The following INPP5A variants were observed in gnomAD, a reference collection of about 807,000 sequenced individuals.
The protein encoded by INPP5A is inositol polyphosphate-5-phosphatase A.
Under a neutral mutation model 65.2 loss-of-function variants are expected in INPP5A, and 14 were observed. That is an observed-to-expected ratio of 0.21 (90% CI 0.14 to 0.34). INPP5A has a LOEUF of 0.34. INPP5A is among the 10% of genes least tolerant of loss of function. The probability of loss-of-function intolerance (pLI) is 1.00; values close to 1 mark genes in which losing one functional copy is unlikely to be tolerated. For missense variants in INPP5A, 431 were observed against 545.6 expected (o/e 0.79, Z 2.09); for synonymous variants, 207 against 208.3 (o/e 0.99, Z 0.05).
chr10:132,572,341 C>G (rs1804817129), intron 1 of INPP5A, among the ~76,000 whole-genome samples: 1 of 152,216 alleles, frequency 6.6e-6, no homozygotes, highest in Admixed American at 6.5e-5. Flanking sequence ...GGCCCCTCAC[C>G]TGGACCAGAG....
rs752485534 is a variant in INPP5A, at chr10:132,772,407, CCCA to C, written c.978-5262_978-5260del. Among the ~76,000 whole-genome samples, 7 of 122,596 alleles carry C rather than the reference CCCA, an allele frequency of 5.7e-5. No homozygotes were observed. In the East Asian group the frequency reaches 1.8e-3, roughly 31 times the overall value. The allele number at this position is 122,596 out of a possible 152,430, so 80.4% of individuals were successfully genotyped here. The stretch of plus-strand genomic sequence containing the variant: ...CTGACACGGAGGCCACGGCAGCCAC[CCCA>C]CGAGGAGTGGGACAGACACTCAGCA... On this transcript the variant is annotated intron_variant, in intron 12 of 15. Coordinates refer to ENST00000368594, the MANE Select transcript of INPP5A (RefSeq NM_005539.5).
At chr10:132,712,362 CGTGTGTGCATGTGTGTGGATGCTT>C (rs761317463) in intron 8 of INPP5A, among the ~76,000 whole-genome samples, 24 of 150,610 alleles carry the variant, frequency 1.6e-4, no homozygotes, top group African/African-American at 3.2e-4. Context: ...TGTGTGTGTT[CGTGTGTGCATGTGTGTGGATGCTT>C]GTGTGTGCAT....
intron 8 of INPP5A, among the ~76,000 whole-genome samples, chr10:132,719,688 A>G (rs1219473215): frequency 0.089 from 4,652 of 52,520 alleles, no homozygotes; most frequent in Middle Eastern, 0.24. Flanking sequence ...GCTGTCTTGC[A>G]GGTTCTGTGG....
intron 2 of INPP5A, among the ~76,000 whole-genome samples, chr10:132,613,677 G>A (rs565586688): frequency 2.2e-4 from 34 of 152,188 alleles, no homozygotes; most frequent in Non-Finnish European, 4.7e-4. Flanking sequence ...GCTTGTTTTA[G>A]CCTGACTTTG....
At chr10:132,625,034 G>A (rs531743953) in intron 2 of INPP5A, among the ~76,000 whole-genome samples, 1 of 151,834 alleles carries the variant, frequency 6.6e-6, no homozygotes, top group Non-Finnish European at 1.5e-5. Flanking sequence ...TCCTTGGTTG[G>A]TTGCAGGGCC....
chr10:132,759,527 G>A (rs555337302), intron 11 of INPP5A, among the ~76,000 whole-genome samples: 1 of 152,308 alleles, frequency 6.6e-6, no homozygotes, highest in South Asian at 2.1e-4. Context: ...TTCGCTCGCT[G>A]CTGTGCTGTG....
At chr10:132,681,022 G>C (rs576601311) in intron 4 of INPP5A, among the ~76,000 whole-genome samples, 22 of 152,394 alleles carry the variant, frequency 1.4e-4, no homozygotes, top group African/African-American at 4.1e-4. Context: ...GACCACCCAA[G>C]GGCTTGAGGA....
chr10:132,747,928 C>T (rs1056476023), intron 9 of INPP5A, among the ~76,000 whole-genome samples: 12 of 152,180 alleles, frequency 7.9e-5, no homozygotes, highest in Non-Finnish European at 8.8e-5. Flanking sequence ...GCATTACCTA[C>T]AGTCCCAGCT....
chr10:132,748,862 C>G (rs1846419294), intron 9 of INPP5A, among the ~76,000 whole-genome samples: 2 of 152,372 alleles, frequency 1.3e-5, no homozygotes, highest in African/African-American at 2.4e-5. Context: ...AGCCCCTCTC[C>G]TTGGTCCTCC....
Position 132,568,066 on chromosome 10 carries a change from C to T in INPP5A, c.75+29895C>T, listed in dbSNP as rs371293934. On this transcript the variant is annotated intron_variant, in intron 1 of 15. Transcript: ENST00000368594. ...ATTAGCTGGGTGTGGTGGTGCGTGCCTGTAGTCCCAGCTACTCAGGAGGCT... is the reference window on the plus strand; with the variant it reads ...ATTAGCTGGGTGTGGTGGTGCGTGCTTGTAGTCCCAGCTACTCAGGAGGCT... Among the ~76,000 whole-genome samples, 6 of 152,000 alleles carry T rather than the reference C, an allele frequency of 3.9e-5. No homozygotes were observed. In the East Asian group the frequency reaches 1.2e-3, roughly 29 times the overall value.
rs775755110 is a variant in INPP5A at position 132,547,557 on chromosome 10, C to T, written c.75+9386C>T. 7.2e-5 allele frequency among the ~76,000 whole-genome samples: 11 copies of T among 152,164 alleles called. No homozygotes were observed. The highest frequency in any genetic ancestry group is 1.2e-4 in the African/African-American group (5 of 41,448). On this transcript the variant is annotated intron_variant, in intron 1 of 15. Coordinates refer to ENST00000368594, the MANE Select transcript of INPP5A (RefSeq NM_005539.5). The surrounding 1 kb of genome is among the most constrained non-coding windows in gnomAD (Gnocchi z 5.5). ...CTGGCATCTGGGGTTCCCGGGAGGC[C>T]GGGCACCTGCACCCTCGCCGTCGCC...
chr10:132,654,915 G>A (rs558330536), intron 4 of INPP5A, among the ~76,000 whole-genome samples: 11 of 152,356 alleles, frequency 7.2e-5, no homozygotes, highest in South Asian at 2.1e-4. Context: ...CCCACGCAGC[G>A]CCTGAGAGTT....
intron 8 of INPP5A, among the ~76,000 whole-genome samples, chr10:132,719,972 G>C (rs112761390): frequency 0.027 from 3,952 of 148,258 alleles, no homozygotes; most frequent in African/African-American, 0.093. Flanking sequence ...TTCTTTCTGG[G>C]GGCACCTTAG....
intron 1 of INPP5A, among the ~76,000 whole-genome samples, chr10:132,599,094 T>G (rs895702470): frequency 6.6e-6 from 1 of 152,170 alleles, no homozygotes; most frequent in Admixed American, 6.5e-5. Context: ...AAACCTCATG[T>G]CCTCACATTT....
intron 1 of INPP5A, among the ~76,000 whole-genome samples, chr10:132,542,033 G>A (rs1444480673): frequency 2.6e-5 from 4 of 152,272 alleles, no homozygotes; most frequent in Non-Finnish European, 5.9e-5. Flanking sequence ...TGAGGTTTCT[G>A]GCTTTTGGTT....
At chr10:132,719,899 G>C (rs1014851985) in intron 8 of INPP5A, among the ~76,000 whole-genome samples, 6 of 150,952 alleles carry the variant, frequency 4.0e-5, no homozygotes, top group African/African-American at 1.2e-4. Flanking sequence ...TCAGGGTTCT[G>C]TGGTACCTGG....
At chr10:132,621,637 C>T (rs1180793401) in intron 2 of INPP5A, among the ~76,000 whole-genome samples, 2 of 152,084 alleles carry the variant, frequency 1.3e-5, no homozygotes, top group Admixed American at 1.3e-4. Context: ...TCACTTATGC[C>T]TTAGTCTGGC....
intron 4 of INPP5A, among the ~76,000 whole-genome samples, chr10:132,668,261 G>A (rs1188954083): frequency 6.6e-6 from 1 of 152,150 alleles, no homozygotes; most frequent in Non-Finnish European, 1.5e-5. Flanking sequence ...GAAATGACAC[G>A]AGAGCCTCAC....
intron 11 of INPP5A, among the ~76,000 whole-genome samples, chr10:132,754,895 A>T (rs1362954576): frequency 6.6e-6 from 1 of 152,098 alleles, no homozygotes; most frequent in Non-Finnish European, 1.5e-5. Context: ...GTGAGCAGGC[A>T]TATGCATGTG....
Sources: allele counts gnomAD v4.1 joint callset (sites outside exome capture counted in the v4.1 genomes callset), GRCh38; gene constraint gnomAD v4.1.1; non-coding constraint Gnocchi (gnomAD v3.1); transcripts MANE v1.5; gene names NCBI Gene and HGNC (gene_info 2026-07-23, HGNC 2026-07-21).